WDPCP: variants seen among roughly 807,000 people sequenced by gnomAD.
WDPCP encodes WD repeat-containing and planar cell polarity effector protein fritz homolog.
WDPCP carries 71 observed loss-of-function variants against 93.1 expected under a neutral mutation model. That is an observed-to-expected ratio of 0.76 (90% CI 0.63 to 0.93). WDPCP has a LOEUF of 0.93. WDPCP is among the 40% of genes least tolerant of loss of function. The probability of loss-of-function intolerance (pLI) is 0.00; values close to 1 mark genes in which losing one functional copy is unlikely to be tolerated. For missense variants in WDPCP, 844 were observed against 887.4 expected, an observed-to-expected ratio of 0.95 and a Z score of 0.62; for synonymous variants, 315 against 315.0, an observed-to-expected ratio of 1.00 and a Z score of 0.00.
chr2:63,589,248 G>A, upstream of WDPCP: 1 of 1,553,304 alleles, frequency 6.4e-7, no homozygotes. Context: ...GGGGTATGGG[G>A]CGCTCTTAGG....
intron 2 of WDPCP, among the ~76,000 whole-genome samples, chr2:63,721,628 G>A (rs1366286983): frequency 6.6e-6 from 1 of 151,704 alleles, no homozygotes; most frequent in East Asian, 1.9e-4. Flanking sequence ...TTTTGGCCTT[G>A]CCACTCTTTT....
chr2:63,560,188 A>G (rs1384200306), intron 1 of WDPCP, among the ~76,000 whole-genome samples: 1 of 152,190 alleles, frequency 6.6e-6, no homozygotes, highest in East Asian at 1.9e-4. Flanking sequence ...GCACCATTTC[A>G]TTCCAGCCTG....
chr2:63,725,921 C>T (rs890589272), intron 2 of WDPCP, among the ~76,000 whole-genome samples: 1 of 151,828 alleles, frequency 6.6e-6, no homozygotes, highest in Non-Finnish European at 1.5e-5. Flanking sequence ...TTTTAAGTTC[C>T]TTATAGATTC....
upstream of WDPCP, among the ~76,000 whole-genome samples, chr2:63,829,704 A>AC (rs1310203834): frequency 6.6e-6 from 1 of 152,124 alleles, no homozygotes; most frequent in East Asian, 1.9e-4. Flanking sequence ...TTTCCCAAGT[A>AC]CCATGGGTTA....
intron 14 of WDPCP, chr2:63,228,843 T>C (rs959212085): frequency 1.3e-5 from 2 of 152,168 alleles, no homozygotes; most frequent in African/African-American, 2.4e-5. Context: ...TGTTGGACAC[T>C]TAGGTTGGTT....
In WDPCP at chr2:63,120,014, C is replaced by T. The variant is rs961936312; in HGVS notation, c.*1992G>A. Among the ~76,000 whole-genome samples the T allele has an allele frequency of 3.9e-5, 6 of 152,084 alleles. No homozygotes were observed. Among genetic ancestry groups the T allele is most frequent in the Non-Finnish European group, 5.9e-5 (4 of 68,016 alleles). ...CTATGATTTGTTTAATTTTCACCTA[C>T]ATAACTGGCAAACATTTTCATTATT... On this transcript the variant is annotated 3_prime_UTR_variant, in exon 18 of 18. Transcript: ENST00000272321.
chr2:63,684,687 A>C, intron 2 of WDPCP: 1 of 668,244 alleles, frequency 1.5e-6, no homozygotes, highest in Admixed American at 1.8e-5. Context: ...GGCAAGAACA[A>C]GTGGTTCTTC....
intron 1 of WDPCP, among the ~76,000 whole-genome samples, chr2:63,559,570 C>A (rs1394617319): frequency 6.6e-6 from 1 of 152,278 alleles, no homozygotes; most frequent in East Asian, 1.9e-4. Flanking sequence ...GTAACTTCTG[C>A]AAAGTTTCAA....
chr2:63,718,983 ATT>A (rs1164734722), intron 2 of WDPCP, among the ~76,000 whole-genome samples: 1 of 152,230 alleles, frequency 6.6e-6, no homozygotes, highest in Non-Finnish European at 1.5e-5. Flanking sequence ...TAGCCTTGAA[ATT>A]TACAAACAAA....
intron 13 of WDPCP, among the ~76,000 whole-genome samples, chr2:63,277,127 A>G (rs941091760): frequency 3.3e-5 from 5 of 152,232 alleles, no homozygotes; most frequent in Non-Finnish European, 5.9e-5. Flanking sequence ...CAGAGAAACT[A>G]TGCTTCATAA....
At chr2:63,717,322 A>G (rs1441713691) in intron 2 of WDPCP, 2 of 517,532 alleles carry the variant, frequency 3.9e-6, no homozygotes, top group Non-Finnish European at 7.7e-6. Context: ...CACTGTGAAC[A>G]TGAAAAATGA....
rs959774043 is a variant in WDPCP, at chr2:63,735,144, G to T, written n.308+78478C>A. ...CTCATGAAAATGAGTATCTAGTGAGGAAAGTAAGATATGAATACAAATATC... is the reference window on the plus strand; with the variant it reads ...CTCATGAAAATGAGTATCTAGTGAGTAAAGTAAGATATGAATACAAATATC... On this transcript the variant is annotated intron_variant and non_coding_transcript_variant, in intron 2 of 4. Coordinates refer to the WDPCP transcript ENST00000467687. Among the ~76,000 whole-genome samples the T allele has an allele frequency of 2.0e-5, 3 of 152,134 alleles. No individual in the cohort carries two copies. In the East Asian group the frequency reaches 5.8e-4, roughly 29 times the overall value.
chr2:63,782,739 C>CGT (rs1385959723), intron 2 of WDPCP, among the ~76,000 whole-genome samples: 15 of 103,562 alleles, frequency 1.4e-4, no homozygotes, highest in Admixed American at 2.2e-4. Flanking sequence ...CCACAGGCAA[C>CGT]ATGTGTGTGT....
At chr2:63,219,515 A>G (rs1426263943) in intron 14 of WDPCP, among the ~76,000 whole-genome samples, 1 of 152,214 alleles carries the variant, frequency 6.6e-6, no homozygotes, top group Non-Finnish European at 1.5e-5. Flanking sequence ...TTCCATTTAA[A>G]AGAGTAGTCT....
intron 9 of WDPCP, among the ~76,000 whole-genome samples, chr2:63,415,712 T>C (rs1695366468): frequency 6.6e-6 from 1 of 152,160 alleles, no homozygotes; most frequent in South Asian, 2.1e-4. Context: ...TTTTCCTTTA[T>C]ACAATCAGAG....
intron 2 of WDPCP, among the ~76,000 whole-genome samples, chr2:63,696,809 A>G (rs1668966843): frequency 1.3e-5 from 2 of 152,236 alleles, no homozygotes; most frequent in Admixed American, 1.3e-4. Context: ...CTGATGCCAG[A>G]AAGTCTGAAT....
chr2:63,314,973 T>C (rs1302972317), intron 12 of WDPCP, among the ~76,000 whole-genome samples: 1 of 152,186 alleles, frequency 6.6e-6, no homozygotes, highest in African/African-American at 2.4e-5. Context: ...CAGTAGATGG[T>C]AATGATACAT....
chr2:63,368,856 ATG>A (rs1334262043), intron 12 of WDPCP: 1 of 152,314 alleles, frequency 6.6e-6, no homozygotes, highest in Admixed American at 6.5e-5. Flanking sequence ...TTCATATTTT[ATG>A]TGTTATGGTC....
intron 1 of WDPCP, among the ~76,000 whole-genome samples, chr2:63,553,393 T>G (rs1265127675): frequency 6.6e-6 from 1 of 152,212 alleles, no homozygotes; most frequent in Non-Finnish European, 1.5e-5. Flanking sequence ...TGCTTCAAGA[T>G]CTGTCATTTG....
Sources: gnomAD v4.1 joint callset for allele counts (sites outside exome capture counted in the v4.1 genomes callset) on GRCh38, gnomAD v4.1.1 for gene constraint, MANE v1.5 for transcripts, NCBI Gene and HGNC (gene_info 2026-07-23, HGNC 2026-07-21) for gene names.